HDDC2: variants seen among roughly 807,000 people sequenced by gnomAD.
The protein encoded by HDDC2 is 5'-deoxynucleotidase HDDC2.
A neutral mutation model predicts 25.5 loss-of-function variants in HDDC2; 25 were observed. The observed-to-expected ratio is 0.98, with a 90% CI of 0.72 to 1.37. HDDC2 has a LOEUF of 1.37. HDDC2 is among the 40% of genes most tolerant of loss of function. HDDC2 has a pLI of 0.00. For missense variants in HDDC2, 264 were observed against 253.1 expected (o/e 1.04, Z -0.29); for synonymous variants, 106 against 89.7 (o/e 1.18, Z -1.03).
At chr6:125,299,123 G>A (rs1583056556) in intron 2 of HDDC2, among the ~76,000 whole-genome samples, 2 of 152,090 alleles carry the variant, frequency 1.3e-5, no homozygotes, top group Non-Finnish European at 2.9e-5. Flanking sequence ...GGTGGCTCAC[G>A]CCTGTCATAC....
intron 4 of HDDC2, among the ~76,000 whole-genome samples, chr6:125,282,561 A>C (rs1798474329): frequency 6.6e-6 from 1 of 152,226 alleles, no homozygotes; most frequent in Non-Finnish European, 1.5e-5. Flanking sequence ...CTGTGAAAAC[A>C]AACCAAAATG....
At chr6:125,293,352 T>C in intron 3 of HDDC2, 1 of 206,154 alleles carries the variant, frequency 4.9e-6, no homozygotes, top group East Asian at 1.1e-4. Flanking sequence ...ATTTTTTGTA[T>C]ATTCATTTTC....
chr6:125,301,879 C>A lies in HDDC2; in HGVS notation c.54G>T (p.Leu18=). Residue 18 remains leucine (L), a synonymous_variant, in exon 1 of 6, where the codon CTG becomes CTT. Coordinates refer to ENST00000398153, the MANE Select transcript of HDDC2 (RefSeq NM_016063.3). ...GCTGCCCTACCAGCCGCAGGAACTG[C>A]AGTAGGGACCGAGCCCCGTGGCCCG... ...TFSGHGARSL[L]QFLRLVGQLK... 2 of 1,550,598 alleles carry A rather than the reference C, an allele frequency of 1.3e-6. No individual in the cohort carries two copies. The highest frequency in any genetic ancestry group is 1.7e-6 in the Non-Finnish European group (2 of 1,149,012).
intron 3 of HDDC2, among the ~76,000 whole-genome samples, chr6:125,295,319 G>C (rs1009490970): frequency 6.6e-6 from 1 of 152,224 alleles, no homozygotes; most frequent in African/African-American, 2.4e-5. Flanking sequence ...TTTTGTGTCA[G>C]TTTTGTGACA....
rs1003048128 is a variant in HDDC2 at position 125,275,368 on chromosome 6, A to C, written c.*778T>G. 6.6e-6 allele frequency: 1 copy of C among 152,202 alleles called. No individual in the cohort carries two copies. Among genetic ancestry groups the C allele is most frequent in the African/African-American group, 2.4e-5 (1 of 41,464 alleles). The allele number at this position is 152,202 out of a possible 1,614,324, so 9.4% of individuals were successfully genotyped here. On this transcript the variant is annotated 3_prime_UTR_variant, in exon 6 of 6. Coordinates refer to ENST00000398153, the MANE Select transcript of HDDC2 (RefSeq NM_016063.3). The stretch of plus-strand genomic sequence containing the variant: ...ACAGGGTGGATTATTTATCCTATAA[A>C]AGGGAAAAGAGAGGAAGAAATCGGG...
At chr6:125,279,045 G>A (rs1432034577) in intron 4 of HDDC2, 1 of 152,164 alleles carries the variant, frequency 6.6e-6, no homozygotes, top group East Asian at 1.9e-4. Flanking sequence ...TGTGCAAGTA[G>A]AGACAAACCA....
chr6:125,292,321 C>CAGCAGCACTGGGAAGGG (rs545080407), intron 4 of HDDC2, among the ~76,000 whole-genome samples: 1 of 152,088 alleles, frequency 6.6e-6, no homozygotes, highest in African/African-American at 2.4e-5. Flanking sequence ...CCTTCACTGT[C>CAGCAGCACTGGGAAGGG]AGCAGCACTG....
At position 125,276,045 on chromosome 6, in the gene HDDC2, C is replaced by G; in HGVS notation, c.*101G>C. 2.4e-6 allele frequency: 2 copies of G among 846,100 alleles called. No homozygotes were observed. The highest frequency in any genetic ancestry group is 3.9e-6 in the Non-Finnish European group (2 of 509,018). The allele number at this position is 846,100 out of a possible 1,614,324, so 52.4% of individuals were successfully genotyped here. On this transcript the variant is annotated 3_prime_UTR_variant, in exon 6 of 6. Transcript: ENST00000398153. ...GTTCAGACAATTGAAAACAAACAGA[C>G]TCACATCTAGGGAAATCAACAGACC...
rs576678643 is a variant in HDDC2 at position 125,297,787 on chromosome 6, A to T, written c.309+927T>A. Among the ~76,000 whole-genome samples the T allele has an allele frequency of 2.0e-5, 3 of 152,306 alleles. No individual in the cohort carries two copies. In the East Asian group the frequency reaches 5.8e-4, roughly 29 times the overall value. ...AAAACCAACCACTCAGCATTCAAAA[A>T]AGGCTTCCTTCATTTTCCAGCTTCT... On this transcript the variant is annotated intron_variant, in intron 3 of 5. Coordinates refer to ENST00000398153, the MANE Select transcript of HDDC2 (RefSeq NM_016063.3).
intron 1 of HDDC2, among the ~76,000 whole-genome samples, chr6:125,301,450 C>CAT (rs1247538975): frequency 1.3e-5 from 2 of 149,344 alleles, no homozygotes; most frequent in Admixed American, 6.7e-5. Flanking sequence ...TTTACACACA[C>CAT]ACACACACAC....
At chr6:125,298,632 G>C in intron 3 of HDDC2, 82 bp downstream of exon 3, 1 of 970,432 alleles carries the variant, frequency 1.0e-6, no homozygotes, top group Non-Finnish European at 1.7e-6. Context: ...CTCCCTAACT[G>C]TAACAGGTCT....
intron 3 of HDDC2, among the ~76,000 whole-genome samples, chr6:125,293,513 T>C (rs547555896): frequency 2.5e-4 from 38 of 152,278 alleles, no homozygotes; most frequent in Non-Finnish European, 4.7e-4. Context: ...AGCTAAACCA[T>C]CCATGTAGTA....
chr6:125,301,594 G>T (rs1798807606), intron 1 of HDDC2, among the ~76,000 whole-genome samples: 1 of 152,128 alleles, frequency 6.6e-6, no homozygotes, highest in Non-Finnish European at 1.5e-5. Flanking sequence ...GCTGCAGTGC[G>T]GACCTCGCGG....
rs1054933346 is a variant in HDDC2 at position 125,298,564 on chromosome 6, A to C, written c.309+150T>G. 1.3e-4 allele frequency: 80 copies of C among 631,108 alleles called. No homozygotes were observed. The African/African-American group carries it at 1.3e-3, about 10-fold the overall frequency. The allele number at this position is 631,108 out of a possible 1,614,324, so 39.1% of individuals were successfully genotyped here. ...CAGCCCAGGCCCTGAATCTCTAAAA[A>C]TATCTTCCCCTGACCTTCCCCTTCC... On this transcript the variant is annotated intron_variant, in intron 3 of 5. Transcript: ENST00000398153.
At chr6:125,297,277 A>G (rs927365240) in intron 3 of HDDC2, among the ~76,000 whole-genome samples, 1 of 152,202 alleles carries the variant, frequency 6.6e-6, no homozygotes, top group Non-Finnish European at 1.5e-5. Context: ...CAGTCAACAG[A>G]ACAGTTCTTT....
intron 4 of HDDC2, among the ~76,000 whole-genome samples, chr6:125,282,370 A>G (rs1035798742): frequency 1.3e-5 from 2 of 151,936 alleles, no homozygotes; most frequent in African/African-American, 2.4e-5. Context: ...AGAAAAAAGA[A>G]AAAAGAAAAG....
At chr6:125,293,062 G>A in intron 3 of HDDC2, 153 bp from the exon 4 acceptor site, 1 of 712,106 alleles carries the variant, frequency 1.4e-6, no homozygotes, top group South Asian at 1.5e-5. Flanking sequence ...TATAGCTTGT[G>A]AGGAAGGCAG....
chr6:125,281,117 G>A (rs1798451469), intron 4 of HDDC2, among the ~76,000 whole-genome samples: 1 of 152,214 alleles, frequency 6.6e-6, no homozygotes, highest in Non-Finnish European at 1.5e-5. Context: ...AGAGGGGCCT[G>A]ACTGTTAGAA....
intron 2 of HDDC2, among the ~76,000 whole-genome samples, chr6:125,299,866 T>C (rs2115119279): frequency 6.6e-6 from 1 of 152,338 alleles, no homozygotes; most frequent in East Asian, 1.9e-4. Flanking sequence ...CTGCATGCAG[T>C]GACTTCTCCT....
Sources: gnomAD v4.1 joint callset for allele counts (sites outside exome capture counted in the v4.1 genomes callset) on GRCh38, gnomAD v4.1.1 for gene constraint, MANE v1.5 for transcripts, NCBI Gene and HGNC (gene_info 2026-07-23, HGNC 2026-07-21) for gene names.